The following RASAL2 variants were observed in gnomAD, a reference collection of about 807,000 sequenced individuals.
RASAL2 encodes ras GTPase-activating protein nGAP.
RASAL2 carries 58 observed loss-of-function variants against 128.9 expected under a neutral mutation model. The ratio of observed to expected loss-of-function variants is 0.45; its 90% CI spans 0.36 to 0.56. The LOEUF is 0.56. RASAL2 is among the 20% of genes least tolerant of loss of function. The pLI is 0.00. For synonymous variants in RASAL2, 561 were observed against 580.8 expected (o/e 0.97, Z 0.49); for missense variants, 1,360 against 1,601.6 (o/e 0.85, Z 2.57).
In RASAL2 at chr1:178,473,435, CATCTCT is replaced by C; in HGVS notation, c.*199_*204del. ...TTCCAAGGTCAATGCTTTTCCCCCA[CATCTCT>C]ATGTACATAGGGAACTTAGTTCTGG... On this transcript the variant is annotated 3_prime_UTR_variant, in exon 18 of 18. Coordinates refer to ENST00000367649, the MANE Select transcript of RASAL2 (RefSeq NM_170692.4). 1.6e-6 allele frequency: 1 copy of C among 633,682 alleles called. No individual in the cohort carries two copies. The highest frequency in any genetic ancestry group is 2.7e-6 in the Non-Finnish European group (1 of 368,794). 39.3% of individuals were successfully genotyped at this position (633,682 alleles called of 1,614,324 possible). A position where few individuals can be genotyped will look rare whatever the true frequency, so the allele number is the denominator to read the frequency against.
chr1:178,206,377 C>G (rs1432370091), intron 1 of RASAL2, among the ~76,000 whole-genome samples: 1 of 152,212 alleles, frequency 6.6e-6, no homozygotes, highest in African/African-American at 2.4e-5. Flanking sequence ...CTAGTTAAAA[C>G]TCTCAGCTAA....
At chr1:178,113,814 G>C (rs1659430242) in intron 1 of RASAL2, among the ~76,000 whole-genome samples, 1 of 152,026 alleles carries the variant, frequency 6.6e-6, no homozygotes, top group South Asian at 2.1e-4. Flanking sequence ...TTCAATCTGG[G>C]AGCACAATAC....
intron 14 of RASAL2, among the ~76,000 whole-genome samples, chr1:178,463,293 T>A (rs1326554755): frequency 6.6e-6 from 1 of 152,158 alleles, no homozygotes; most frequent in Non-Finnish European, 1.5e-5. Context: ...GGGAAAAAAA[T>A]TGTGTGTTTC....
intron 3 of RASAL2, among the ~76,000 whole-genome samples, chr1:178,360,484 C>G (rs1338831880): frequency 6.6e-6 from 1 of 152,174 alleles, no homozygotes; most frequent in Non-Finnish European, 1.5e-5. Flanking sequence ...CTGAATAGTT[C>G]TTTGGTGTTG....
At chr1:178,284,915 AG>A (rs1334370604) in intron 2 of RASAL2, among the ~76,000 whole-genome samples, 1 of 152,076 alleles carries the variant, frequency 6.6e-6, no homozygotes, top group Non-Finnish European at 1.5e-5. Flanking sequence ...AAGAAGCAAC[AG>A]GAAACACATT....
At chr1:178,127,630 A>G (rs1659949252) in intron 1 of RASAL2, among the ~76,000 whole-genome samples, 1 of 152,118 alleles carries the variant, frequency 6.6e-6, no homozygotes, top group Non-Finnish European at 1.5e-5. Context: ...TGGAGTGAAC[A>G]TTACATTTTA....
At chr1:178,303,381 G>A (rs1411882467) in intron 3 of RASAL2, among the ~76,000 whole-genome samples, 2 of 151,682 alleles carry the variant, frequency 1.3e-5, no homozygotes, top group Admixed American at 6.6e-5. Flanking sequence ...CAATCTTTTC[G>A]CTTTCCTGGG....
At chr1:178,211,647 T>C (rs2101986125) in intron 1 of RASAL2, among the ~76,000 whole-genome samples, 1 of 152,306 alleles carries the variant, frequency 6.6e-6, no homozygotes, top group Non-Finnish European at 1.5e-5. Flanking sequence ...GCTTTTCTTA[T>C]ACCCTCAAAC....
intron 1 of RASAL2, among the ~76,000 whole-genome samples, chr1:178,211,192 C>T (rs531217747): frequency 6.6e-6 from 1 of 152,160 alleles, no homozygotes; most frequent in African/African-American, 2.4e-5. Context: ...ATTGTTGACT[C>T]AACCAAGAAC....
intron 1 of RASAL2, among the ~76,000 whole-genome samples, chr1:178,259,321 C>T (rs1282792887): frequency 4.6e-5 from 7 of 151,374 alleles, no homozygotes; most frequent in African/African-American, 1.5e-4. Context: ...TTAGTAGAGA[C>T]GGGGTTTCAC....
intron 3 of RASAL2, among the ~76,000 whole-genome samples, chr1:178,332,892 G>A (rs900400287): frequency 6.6e-6 from 1 of 151,990 alleles, no homozygotes; most frequent in Non-Finnish European, 1.5e-5. Context: ...GTGAGCCACT[G>A]CGCCTGGCCA....
chr1:178,238,584 A>G (rs1664359223), intron 1 of RASAL2, among the ~76,000 whole-genome samples: 1 of 151,922 alleles, frequency 6.6e-6, no homozygotes, highest in African/African-American at 2.4e-5. Flanking sequence ...TCAGTAAAAT[A>G]TTTCTGTGTG....
At chr1:178,244,733 C>T (rs978558861) in intron 1 of RASAL2, among the ~76,000 whole-genome samples, 2 of 152,148 alleles carry the variant, frequency 1.3e-5, no homozygotes, top group African/African-American at 4.8e-5. Context: ...CCTTTCCCCT[C>T]ATCCCCCAAC....
chr1:178,260,213 C>A (rs913556008), intron 1 of RASAL2, among the ~76,000 whole-genome samples: 1 of 149,238 alleles, frequency 6.7e-6, no homozygotes, highest in South Asian at 2.1e-4. Context: ...ATTAGCCGGG[C>A]GTGGTGGCTG....
At chr1:178,426,401 A>G (rs1236526911) in intron 5 of RASAL2, among the ~76,000 whole-genome samples, 1 of 152,130 alleles carries the variant, frequency 6.6e-6, no homozygotes. Flanking sequence ...ACTTTAGGCC[A>G]GGACGTCAAG....
At chr1:178,330,711 A>G (rs899565558) in intron 3 of RASAL2, among the ~76,000 whole-genome samples, 12 of 152,290 alleles carry the variant, frequency 7.9e-5, no homozygotes, top group African/African-American at 2.9e-4. Context: ...TGAGTGGAGC[A>G]GTGTATAAAG....
intron 1 of RASAL2, among the ~76,000 whole-genome samples, chr1:178,159,262 G>GCAT (rs1661188782): frequency 1.3e-5 from 2 of 152,100 alleles, no homozygotes; most frequent in Admixed American, 1.3e-4. Flanking sequence ...TAGTTAGCAT[G>GCAT]CATGTCATTG....
intron 1 of RASAL2, among the ~76,000 whole-genome samples, chr1:178,125,153 G>A (rs1244300885): frequency 6.6e-6 from 1 of 152,108 alleles, no homozygotes. Context: ...ATTTCCTCTA[G>A]CAAATATGCA....
chr1:178,405,298 A>G (rs1673927901), intron 4 of RASAL2, among the ~76,000 whole-genome samples: 1 of 152,202 alleles, frequency 6.6e-6, no homozygotes, highest in Non-Finnish European at 1.5e-5. Context: ...AACAGCCTAT[A>G]TGCACATTCA....
Sources: gnomAD v4.1 joint callset for allele counts (sites outside exome capture counted in the v4.1 genomes callset) on GRCh38, gnomAD v4.1.1 for gene constraint, MANE v1.5 for transcripts, NCBI Gene and HGNC (gene_info 2026-07-23, HGNC 2026-07-21) for gene names.